Variants in CNTNAP2 observed in about 807,000 individuals in gnomAD.
CNTNAP2 encodes contactin associated protein 2.
A neutral mutation model predicts 155.2 loss-of-function variants in CNTNAP2; 98 were observed. The observed-to-expected ratio is 0.63, with a 90% CI of 0.54 to 0.75. CNTNAP2 has a LOEUF of 0.75. CNTNAP2 is among the 30% of genes least tolerant of loss of function. The pLI is 0.00. For synonymous variants in CNTNAP2, 651 were observed against 631.2 expected, an observed-to-expected ratio of 1.03 and a Z score of -0.47; for missense variants, 1,727 against 1,688.1, an observed-to-expected ratio of 1.02 and a Z score of -0.40.
At chr7:148,371,114 A>G (rs747158220) in intron 21 of CNTNAP2, among the ~76,000 whole-genome samples, 2 of 152,176 alleles carry the variant, frequency 1.3e-5, no homozygotes, top group Middle Eastern at 3.2e-3. Context: ...CATCCTTTTC[A>G]TGACTCAGTC....
chr7:147,266,029 GAGAA>G (rs1260570840), intron 8 of CNTNAP2, among the ~76,000 whole-genome samples: 1 of 151,908 alleles, frequency 6.6e-6, no homozygotes. Flanking sequence ...TCATGAAGAT[GAGAA>G]AGAATCAACC....
At chr7:146,955,038 T>A (rs1329492963) in intron 3 of CNTNAP2, among the ~76,000 whole-genome samples, 2 of 151,992 alleles carry the variant, frequency 1.3e-5, no homozygotes, top group East Asian at 1.9e-4. Context: ...AACTGTCACC[T>A]CCTATGACAT....
chr7:148,076,358 G>A (rs1043527146), intron 15 of CNTNAP2, among the ~76,000 whole-genome samples: 4 of 143,486 alleles, frequency 2.8e-5, no homozygotes, highest in East Asian at 2.2e-4. Context: ...GAATGATCTC[G>A]CCCAAAATGT....
intron 13 of CNTNAP2, among the ~76,000 whole-genome samples, chr7:147,876,883 G>A (rs528092330): frequency 2.2e-4 from 33 of 152,166 alleles, no homozygotes; most frequent in African/African-American, 7.7e-4. Context: ...GGGGAACTAC[G>A]GGGCATCCTT....
chr7:147,862,105 G>A (rs1360412144), intron 13 of CNTNAP2, among the ~76,000 whole-genome samples: 1 of 151,340 alleles, frequency 6.6e-6, no homozygotes, highest in Admixed American at 6.6e-5. Flanking sequence ...CGATGAAACA[G>A]TATTCCAGCA....
At chr7:146,629,512 G>T (rs1358211841) in intron 1 of CNTNAP2, among the ~76,000 whole-genome samples, 3 of 151,956 alleles carry the variant, frequency 2.0e-5, no homozygotes, top group Admixed American at 6.6e-5. Flanking sequence ...ATTTGTTATT[G>T]CCACTATATA....
chr7:147,911,065 G>A (rs534275745), intron 14 of CNTNAP2, among the ~76,000 whole-genome samples: 6 of 152,200 alleles, frequency 3.9e-5, no homozygotes, highest in South Asian at 2.1e-4. Context: ...CTCCAGAGCC[G>A]TTTTTATCTA....
At chr7:147,019,496 C>T (rs553427421) in intron 3 of CNTNAP2, among the ~76,000 whole-genome samples, 1 of 151,970 alleles carries the variant, frequency 6.6e-6, no homozygotes, top group African/African-American at 2.4e-5. Flanking sequence ...TATAACCTTC[C>T]TAGAAGGGCT....
chr7:147,134,666 C>T (rs1801443210), intron 8 of CNTNAP2, among the ~76,000 whole-genome samples: 1 of 151,758 alleles, frequency 6.6e-6, no homozygotes, highest in Non-Finnish European at 1.5e-5. Flanking sequence ...AACCATAGGA[C>T]ATAATTTCCT....
chr7:147,648,042 A>G (rs55670157), intron 13 of CNTNAP2, among the ~76,000 whole-genome samples: 8,579 of 152,252 alleles, frequency 0.056, 293 homozygotes, highest in Middle Eastern at 0.075. Context: ...AGCAGGGGTA[A>G]GTTTTCAAAA....
At chr7:147,464,465 T>TAAAAAAAAAAAAAAAAAAAAAAAA (rs71183005) in intron 10 of CNTNAP2, among the ~76,000 whole-genome samples, 1 of 65,968 alleles carries the variant, frequency 1.5e-5, no homozygotes. Context: ...AGACTCCATC[T>TAAAAAAAAAAAAAAAAAAAAAAAA]AAAAAAAAAA....
intron 1 of CNTNAP2, among the ~76,000 whole-genome samples, chr7:146,578,853 T>C (rs1798565481): frequency 6.6e-6 from 1 of 151,934 alleles, no homozygotes; most frequent in South Asian, 2.1e-4. Context: ...TTAAGTCAGA[T>C]TTTTTTTAAA....
At chr7:147,462,386 T>C (rs1215118915) in intron 10 of CNTNAP2, among the ~76,000 whole-genome samples, 1 of 152,218 alleles carries the variant, frequency 6.6e-6, no homozygotes, top group African/African-American at 2.4e-5. Context: ...AAAGTACTGC[T>C]TACTTCTCAC....
At chr7:148,295,093 CT>C (rs1797257414) in intron 21 of CNTNAP2, among the ~76,000 whole-genome samples, 1 of 152,068 alleles carries the variant, frequency 6.6e-6, no homozygotes, top group Non-Finnish European at 1.5e-5. Context: ...AAACTTAATT[CT>C]TTTAAAAATC....
chr7:148,334,358 T>C (rs10227829), intron 21 of CNTNAP2, among the ~76,000 whole-genome samples: 27,811 of 152,102 alleles, frequency 0.18, 2,628 homozygotes, highest in South Asian at 0.33. Flanking sequence ...AGGTGCAGCC[T>C]GGTGACAGTC....
At chr7:146,406,109 T>C (rs1009288779) in intron 1 of CNTNAP2, among the ~76,000 whole-genome samples, 4 of 152,232 alleles carry the variant, frequency 2.6e-5, no homozygotes, top group African/African-American at 9.6e-5. Flanking sequence ...CAGAGCTAAG[T>C]GGATGTTTAG....
intron 1 of CNTNAP2, among the ~76,000 whole-genome samples, chr7:146,210,392 C>T (rs1191009881): frequency 6.6e-6 from 1 of 152,094 alleles, no homozygotes; most frequent in African/African-American, 2.4e-5. Flanking sequence ...TTTTCTCCGC[C>T]TCCCGGGTTC....
At chr7:146,182,428 C>A in intron 1 of CNTNAP2, among the ~76,000 whole-genome samples, 1 of 152,080 alleles carries the variant, frequency 6.6e-6, no homozygotes, top group Non-Finnish European at 1.5e-5. Flanking sequence ...AATAGCAAGT[C>A]TACATATAGG....
chr7:146,642,135 TTTTTTTA>T (rs1301399606), intron 1 of CNTNAP2, among the ~76,000 whole-genome samples: 1 of 151,836 alleles, frequency 6.6e-6, no homozygotes, highest in Non-Finnish European at 1.5e-5. Context: ...TGGTTTTTTA[TTTTTTTA>T]TTTTTTATTT....
Sources: gnomAD v4.1 joint callset for allele counts (sites outside exome capture counted in the v4.1 genomes callset) on GRCh38, gnomAD v4.1.1 for gene constraint, MANE v1.5 for transcripts, NCBI Gene and HGNC (gene_info 2026-07-23, HGNC 2026-07-21) for gene names.